RADIL: variants seen among roughly 807,000 people sequenced by gnomAD.
RADIL encodes ras-associating and dilute domain-containing protein.
In RADIL, 99 loss-of-function variants were observed where a neutral mutation model predicts 97.6. The observed-to-expected ratio is 1.01, with a 90% confidence interval of 0.86 to 1.20. The LOEUF (loss-of-function observed/expected upper bound fraction) is 1.20. Among genes scored for constraint, RADIL ranks in the 50% most tolerant of loss-of-function variants. The pLI is 0.00. For missense variants in RADIL, 1,765 were observed against 1,498.9 expected, an observed-to-expected ratio of 1.18 and a Z score of -2.93; for synonymous variants, 803 against 691.8, an observed-to-expected ratio of 1.16 and a Z score of -2.52.
chr7:4,878,127 T>C lies in RADIL; in HGVS notation c.13A>G (p.Thr5Ala). The change falls in exon 2 of 15, where the codon ACG becomes GCG. Residue 5 changes from threonine (T) to alanine (A), a missense_variant. By Grantham distance (58) the Thr-to-Ala change is moderately conservative. Coordinates refer to ENST00000399583, the MANE Select transcript of RADIL (RefSeq NM_018059.5). The surrounding 1 kb of genome is among the most constrained non-coding windows in gnomAD (Gnocchi z 4.1). MFYG[T>A]HFIMSPPTKS... ...GTGGGCGGGGACATGATGAAGTGCG[T>C]CCCATAAAACATGGTGGGTGAGGCT... 1.3e-6 allele frequency: 2 copies of C among 1,558,226 alleles called. No individual in the cohort carries two copies. The highest frequency in any genetic ancestry group is 1.7e-6 in the Non-Finnish European group (2 of 1,152,584).
At position 4,817,887 on chromosome 7, in the gene RADIL, G is replaced by A. The variant is rs1562434968; in HGVS notation, c.1616-536C>T. On this transcript the variant is annotated intron_variant, in intron 6 of 14. Coordinates refer to ENST00000399583, the MANE Select transcript of RADIL (RefSeq NM_018059.5). The surrounding 1 kb of genome is among the most constrained non-coding windows in gnomAD (Gnocchi z 8.3). ...GGCTGGGGGGAGCTGCCCACGGAGTGGTTCCTGCCGTCTGGGTGGGGGCTC... is the reference window on the plus strand; with the variant it reads ...GGCTGGGGGGAGCTGCCCACGGAGTAGTTCCTGCCGTCTGGGTGGGGGCTC... Among the ~76,000 whole-genome samples, 1 of 152,208 alleles carries A rather than the reference G, an allele frequency of 6.6e-6. No individual in the cohort carries two copies. The highest frequency in any genetic ancestry group is 2.4e-5 in the African/African-American group (1 of 41,456).
Position 4,824,335 on chromosome 7 carries a change from G to A in RADIL, c.1455-1781C>T, listed in dbSNP as rs374583850. 4.6e-5 allele frequency among the ~76,000 whole-genome samples: 7 copies of A among 152,340 alleles called. No homozygotes were observed. Among genetic ancestry groups the A allele is most frequent in the East Asian group, 3.9e-4 (2 of 5,190 alleles). ...CTGGACGGCCGTCAGAGTGACCATCGCGTGCTCAGTCCCAGGTGTGTGGAC... is the reference window on the plus strand; with the variant it reads ...CTGGACGGCCGTCAGAGTGACCATCACGTGCTCAGTCCCAGGTGTGTGGAC... On this transcript the variant is annotated intron_variant, in intron 5 of 14. Transcript: ENST00000399583. This position sits in a 1 kb window ranked among gnomAD's most constrained non-coding sequence, Gnocchi z 6.7.
At position 4,837,885 on chromosome 7, in the gene RADIL, C is replaced by T. The variant is rs898579655; in HGVS notation, c.536-1280G>A. ...TGAGCCCTCTGCTGAGTTCCCTGTACGCAGCCTTTCAGGTTAAGATCCATC... is the reference window on the plus strand; with the variant it reads ...TGAGCCCTCTGCTGAGTTCCCTGTATGCAGCCTTTCAGGTTAAGATCCATC... On this transcript the variant is annotated intron_variant, in intron 2 of 14. Coordinates refer to ENST00000399583, the MANE Select transcript of RADIL (RefSeq NM_018059.5). The surrounding 1 kb of genome is among the most constrained non-coding windows in gnomAD (Gnocchi z 5.6). 15 of 985,322 alleles carry T rather than the reference C, an allele frequency of 1.5e-5. No individual in the cohort carries two copies. In the South Asian group the frequency reaches 1.9e-4, roughly 12 times the overall value. 61.0% of individuals were successfully genotyped at this position (985,322 alleles called of 1,614,324 possible). A position where few individuals can be genotyped will look rare whatever the true frequency, so the allele number is the denominator to read the frequency against.
In RADIL at chr7:4,836,701, G is replaced by A. The variant is rs1783310817; in HGVS notation, c.536-96C>T. 1.5e-5 allele frequency: 22 copies of A among 1,514,334 alleles called. No homozygotes were observed. The South Asian group carries it at 2.5e-4, about 17-fold the overall frequency. 93.8% of individuals were successfully genotyped at this position (1,514,334 alleles called of 1,614,324 possible). On this transcript the variant is annotated intron_variant, in intron 2 of 14. Coordinates refer to ENST00000399583, the MANE Select transcript of RADIL (RefSeq NM_018059.5). The stretch of plus-strand genomic sequence containing the variant: ...CCCTGTAATCCCAGCACTTTGGGAG[G>A]CCGAGGTGGGGGGATCGCCTGAGGT...
Position 4,800,065 on chromosome 7 carries a change from G to A in RADIL, c.2982+106C>T, listed in dbSNP as rs536483066. ...GGCCAACCCCACTCTCCTCCCCGAAGGCCTTCCTGTAGCCACGTGGCCACG... is the reference window on the plus strand; with the variant it reads ...GGCCAACCCCACTCTCCTCCCCGAAAGCCTTCCTGTAGCCACGTGGCCACG... On this transcript the variant is annotated intron_variant, in intron 13 of 14. Transcript: ENST00000399583. 601 of 1,415,100 alleles carry A rather than the reference G, an allele frequency of 4.2e-4. 3 individuals carry two copies. The Admixed American group carries it at 4.6e-3, about 11-fold the overall frequency. 87.7% of individuals were successfully genotyped at this position (1,415,100 alleles called of 1,614,324 possible). A position where few individuals can be genotyped will look rare whatever the true frequency, so the allele number is the denominator to read the frequency against.
Position 4,860,543 on chromosome 7 carries a change from G to T in RADIL, c.535+17062C>A, listed in dbSNP as rs1233029800. The T allele has an allele frequency of 6.2e-6, 10 of 1,614,138 alleles. No individual in the cohort carries two copies. The Admixed American group carries it at 1.5e-4, about 24-fold the overall frequency. On this transcript the variant is annotated intron_variant, in intron 2 of 14. Coordinates refer to ENST00000399583, the MANE Select transcript of RADIL (RefSeq NM_018059.5). ...CATATCAGGATTTTCTTTGGGTGCT[G>T]GAAATGACTGTGGATTCACATGTGC...
rs1444665085 is a variant in RADIL, at chr7:4,822,377, G to A, written c.1615+17C>T. 2 of 1,600,430 alleles carry A rather than the reference G, an allele frequency of 1.2e-6. No individual in the cohort carries two copies. Among genetic ancestry groups the A allele is most frequent in the South Asian group, 2.2e-5 (2 of 89,554 alleles). On this transcript the variant is annotated intron_variant, in intron 6 of 14. Transcript: ENST00000399583. This position sits in a 1 kb window ranked among gnomAD's most constrained non-coding sequence, Gnocchi z 5.3. ...TGGGGTGCTGGCGGGGGGAATGGAG[G>A]GCAGCGCCAGCCGTACCTGTGATGT...
chr7:4,857,629 C>T (rs1485705142), intron 2 of RADIL: 1 of 152,548 alleles, frequency 6.6e-6, no homozygotes, highest in Non-Finnish European at 1.5e-5. Context: ...TTAGTAAGAT[C>T]GAAAGGTTCA....
chr7:4,846,012 C>T (rs1238695893), intron 2 of RADIL, among the ~76,000 whole-genome samples: 2 of 152,174 alleles, frequency 1.3e-5, no homozygotes, highest in African/African-American at 4.8e-5. Flanking sequence ...CTGCTCACCG[C>T]GTCCAGCATG....
chr7:4,861,939 C>A (rs1384686144), intron 2 of RADIL: 3 of 516,582 alleles, frequency 5.8e-6, no homozygotes, highest in Admixed American at 3.9e-5. Flanking sequence ...CACTCCCACT[C>A]CCGCTGCGCG....
chr7:4,844,114 C>T (rs1783512479), intron 2 of RADIL, among the ~76,000 whole-genome samples: 1 of 151,990 alleles, frequency 6.6e-6, no homozygotes, highest in Non-Finnish European at 1.5e-5. Context: ...CTAGCCAGTA[C>T]AACAGGCAGG....
At position 4,842,183 on chromosome 7, in the gene RADIL, T is replaced by C. The variant is rs10226141; in HGVS notation, c.536-5578A>G. On this transcript the variant is annotated intron_variant, in intron 2 of 14. Coordinates refer to ENST00000399583, the MANE Select transcript of RADIL (RefSeq NM_018059.5). This position sits in a 1 kb window ranked among gnomAD's most constrained non-coding sequence, Gnocchi z 4.5. ...GCCTTTGACAATGGGATAGAAGGAG[T>C]AGAAAGTGCAGGGCGCCGGGGCAAT... Among the ~76,000 whole-genome samples the C allele has an allele frequency of 6.7e-6, 1 of 149,538 alleles. No homozygotes were observed. Among genetic ancestry groups the C allele is most frequent in the African/African-American group, 2.5e-5 (1 of 40,498 alleles).
chr7:4,866,524 T>G (rs186750633), intron 2 of RADIL, among the ~76,000 whole-genome samples: 1 of 152,348 alleles, frequency 6.6e-6, no homozygotes, highest in East Asian at 1.9e-4. Flanking sequence ...GAGTTTTGAT[T>G]AGATAGAGGG....
intron 2 of RADIL, chr7:4,865,642 C>A: frequency 1.1e-6 from 1 of 897,272 alleles, no homozygotes; most frequent in Admixed American, 1.7e-5. Flanking sequence ...CACCAAGGTT[C>A]CCAGCTTTTC....
At chr7:4,806,799 G>A (rs1055376438) in intron 9 of RADIL, among the ~76,000 whole-genome samples, 1 of 152,228 alleles carries the variant, frequency 6.6e-6, no homozygotes, top group Non-Finnish European at 1.5e-5. Flanking sequence ...CAGAACTCCA[G>A]GCGGGAGGGC....
intron 5 of RADIL, among the ~76,000 whole-genome samples, chr7:4,831,519 C>T (rs952402570): frequency 6.6e-6 from 1 of 150,652 alleles, no homozygotes; most frequent in Non-Finnish European, 1.5e-5. Flanking sequence ...TGCACTCGTA[C>T]CCCTGAACTT....
chr7:4,815,387 A>G lies in RADIL; in HGVS notation c.2030T>C (p.Leu677Pro). ...GCCGGCGCTCCGCATCCACTCCAGG[A>G]GCTGCTGCAGGCGGGCGCAGGCCTG... is the stretch of plus-strand genomic sequence containing the variant. ...GVQACARLQQ[L>P]LEWMRSAGFG... The change falls in exon 9 of 15, where the codon CTC becomes CCC. Residue 677 changes from leucine (L) to proline (P), a missense_variant. Transcript: ENST00000399583. This position sits in a 1 kb window ranked among gnomAD's most constrained non-coding sequence, Gnocchi z 8.0. 6.4e-7 allele frequency: 1 copy of G among 1,565,210 alleles called. No homozygotes were observed. Among genetic ancestry groups the G allele is most frequent in the Non-Finnish European group, 8.7e-7 (1 of 1,155,244 alleles).
At chr7:4,800,404 C>G in intron 12 of RADIL, 94 bp from the exon 13 acceptor site, 1 of 1,306,450 alleles carries the variant, frequency 7.7e-7, no homozygotes, top group Non-Finnish European at 1.0e-6. Flanking sequence ...TGTAGGGCGT[C>G]AGGGATGGGA....
In RADIL at chr7:4,836,513, G is replaced by A. The variant is rs753344260; in HGVS notation, c.628C>T (p.Arg210Trp). 2.4e-5 allele frequency: 39 copies of A among 1,606,984 alleles called. No homozygotes were observed. The highest frequency in any genetic ancestry group is 6.6e-5 in the South Asian group (6 of 90,810). The change falls in exon 3 of 15, where the codon CGG becomes TGG. Residue 210 changes from arginine (R) to tryptophan (W), a missense_variant. Transcript: ENST00000399583. ...LGDARSSPPP[R>W]LRRTVSETSL... The stretch of plus-strand genomic sequence containing the variant: ...GTCTCACTGACTGTGCGGCGCAACC[G>A]GGGTGGAGGAGAGCTCCGGGCATCC...
Sources: gnomAD v4.1 joint callset for allele counts (sites outside exome capture counted in the v4.1 genomes callset) on GRCh38, gnomAD v4.1.1 for gene constraint, Gnocchi (gnomAD v3.1) non-coding constraint, MANE v1.5 for transcripts, NCBI Gene and HGNC (gene_info 2026-07-23, HGNC 2026-07-21) for gene names.